The following CEP70 variants were observed in gnomAD, a reference collection of about 807,000 sequenced individuals.
The protein encoded by CEP70 is centrosomal protein 70.
A neutral mutation model predicts 90.9 loss-of-function variants in CEP70; 70 were observed. The observed-to-expected ratio is 0.77, with a 90% CI of 0.64 to 0.94. The LOEUF (loss-of-function observed/expected upper bound fraction) is 0.94. Ranked by LOEUF, CEP70 falls within the 40% of genes least tolerant of loss-of-function variation. CEP70 has a pLI of 0.00. For missense variants in CEP70, 648 were observed against 669.0 expected, an observed-to-expected ratio of 0.97 and a Z score of 0.35; for synonymous variants, 220 against 228.3, an observed-to-expected ratio of 0.96 and a Z score of 0.33.
intron 6 of CEP70, among the ~76,000 whole-genome samples, chr3:138,562,141 A>G (rs187226213): frequency 7.6e-4 from 115 of 152,122 alleles, no homozygotes; most frequent in African/African-American, 2.7e-3. Flanking sequence ...AAAGCGAGAA[A>G]ACAAGATTAG....
At chr3:138,509,211 C>T (rs948732028) in intron 11 of CEP70, among the ~76,000 whole-genome samples, 3 of 152,082 alleles carry the variant, frequency 2.0e-5, no homozygotes, top group Non-Finnish European at 4.4e-5. Context: ...AGGATGGAAG[C>T]GACTTCCATC....
chr3:138,507,337 T>G (rs2035079361), intron 12 of CEP70, among the ~76,000 whole-genome samples: 2 of 152,306 alleles, frequency 1.3e-5, no homozygotes, highest in South Asian at 4.1e-4. Context: ...AAGGTTAAGG[T>G]GTCATTTCTC....
At chr3:138,587,508 C>T (rs570766014) in intron 2 of CEP70, among the ~76,000 whole-genome samples, 14 of 151,930 alleles carry the variant, frequency 9.2e-5, no homozygotes, top group Admixed American at 5.2e-4. Context: ...ACAGGCTGGC[C>T]ATGGTGGCTC....
At chr3:138,572,395 T>C (rs550221590) in intron 3 of CEP70, among the ~76,000 whole-genome samples, 22 of 152,328 alleles carry the variant, frequency 1.4e-4, no homozygotes, top group Admixed American at 7.2e-4. Flanking sequence ...AAAATTAACA[T>C]TGATGTTGTT....
intron 11 of CEP70, among the ~76,000 whole-genome samples, chr3:138,521,757 G>T (rs1246224055): frequency 6.6e-6 from 1 of 151,856 alleles, no homozygotes; most frequent in Non-Finnish European, 1.5e-5. Context: ...GAGCCCTTCT[G>T]CCCGGCCGCC....
At chr3:138,590,805 T>C (rs1187172320) in intron 2 of CEP70, among the ~76,000 whole-genome samples, 1 of 151,332 alleles carries the variant, frequency 6.6e-6, no homozygotes, top group African/African-American at 2.4e-5. Context: ...AATGAGACTC[T>C]ATCTCATAAA....
chr3:138,567,358 T>C (rs1399045748), intron 6 of CEP70, among the ~76,000 whole-genome samples: 4 of 152,244 alleles, frequency 2.6e-5, no homozygotes, highest in African/African-American at 9.6e-5. Flanking sequence ...CACTTTCATC[T>C]TCTCAAGAAA....
At chr3:138,521,811 C>G (rs1339049050) in intron 11 of CEP70, among the ~76,000 whole-genome samples, 3 of 152,206 alleles carry the variant, frequency 2.0e-5, no homozygotes, top group African/African-American at 7.2e-5. Flanking sequence ...GAGAACAAGC[C>G]ATGATGACGA....
At chr3:138,522,664 A>T (rs1277619420) in intron 11 of CEP70, among the ~76,000 whole-genome samples, 2 of 152,206 alleles carry the variant, frequency 1.3e-5, no homozygotes, top group Non-Finnish European at 2.9e-5. Context: ...CCCTCCCAAG[A>T]CTAAACCAGG....
At chr3:138,521,341 G>A (rs1347960632) in intron 11 of CEP70, among the ~76,000 whole-genome samples, 2 of 149,684 alleles carry the variant, frequency 1.3e-5, no homozygotes, top group Non-Finnish European at 1.5e-5. Flanking sequence ...CTTCCCGGCC[G>A]CCACCCCGTC....
At chr3:138,531,330 G>A (rs2037792503) in intron 8 of CEP70, among the ~76,000 whole-genome samples, 1 of 152,090 alleles carries the variant, frequency 6.6e-6, no homozygotes, top group Admixed American at 6.5e-5. Flanking sequence ...TGATGGATAT[G>A]TTATGTTAAA....
At chr3:138,592,390 C>T (rs1046806673) in intron 1 of CEP70, among the ~76,000 whole-genome samples, 3 of 152,164 alleles carry the variant, frequency 2.0e-5, no homozygotes, top group Admixed American at 6.5e-5. Context: ...GTGAAATAAA[C>T]GGGCCAATAG....
intron 2 of CEP70, among the ~76,000 whole-genome samples, chr3:138,581,569 G>A (rs938871903): frequency 1.3e-5 from 2 of 151,580 alleles, no homozygotes; most frequent in African/African-American, 4.8e-5. Flanking sequence ...CAGGTGCAGT[G>A]GCACACGCAT....
intron 5 of CEP70, 95 bp downstream of exon 5, chr3:138,570,939 T>A: frequency 1.9e-6 from 2 of 1,078,234 alleles, no homozygotes; most frequent in Non-Finnish European, 2.6e-6. Flanking sequence ...TAATATTTAA[T>A]CAAAATGGGA....
Position 138,572,862 on chromosome 3 carries a change from T to C in CEP70, c.66A>G (p.Lys22=). ...TCTTAAAATATTTTAAGTTTACCTGTTTTTCAGTCATGAGTCTGTCTGATG... is the reference window on the plus strand; with the variant it reads ...TCTTAAAATATTTTAAGTTTACCTGCTTTTCAGTCATGAGTCTGTCTGATG... ...SQPSDRLMTE[K]QQEEAEWESI... is the part of the protein sequence containing the mutation. Residue 22 remains lysine (K), a synonymous_variant, in exon 3 of 18, where the codon AAA becomes AAG. Coordinates refer to ENST00000264982, the MANE Select transcript of CEP70 (RefSeq NM_024491.4). The C allele has an allele frequency of 6.3e-7, 1 of 1,589,594 alleles. No individual in the cohort carries two copies. Among genetic ancestry groups the C allele is most frequent in the Non-Finnish European group, 8.6e-7 (1 of 1,158,414 alleles).
chr3:138,526,628 T>C (rs2037281352), intron 10 of CEP70, among the ~76,000 whole-genome samples: 1 of 152,222 alleles, frequency 6.6e-6, no homozygotes, highest in Non-Finnish European at 1.5e-5. Flanking sequence ...GTCATCCTTT[T>C]GTAGCTATGC....
At chr3:138,496,543 A>G in intron 17 of CEP70, 1 of 985,332 alleles carries the variant, frequency 1.0e-6, no homozygotes, top group African/African-American at 1.7e-5. Flanking sequence ...TTACAAATGA[A>G]CCTCACAGCA....
chr3:138,570,947 G>A, intron 5 of CEP70, 87 bp downstream of exon 5: 1 of 1,108,162 alleles, frequency 9.0e-7, no homozygotes, highest in Non-Finnish European at 1.2e-6. Flanking sequence ...AATCAAAATG[G>A]GAAATTAAAT....
At chr3:138,544,537 A>ATGTATGTATGTATGTG (rs1553853632) in intron 6 of CEP70, among the ~76,000 whole-genome samples, 1 of 149,184 alleles carries the variant, frequency 6.7e-6, no homozygotes. Context: ...GTATGTATGT[A>ATGTATGTATGTATGTG]TGTGTGTGTG....
Sources: allele counts gnomAD v4.1 joint callset (sites outside exome capture counted in the v4.1 genomes callset), GRCh38; gene constraint gnomAD v4.1.1; transcripts MANE v1.5; gene names NCBI Gene and HGNC (gene_info 2026-07-23, HGNC 2026-07-21).